IMMP2L: variants seen among roughly 807,000 people sequenced by gnomAD.
IMMP2L encodes the protein mitochondrial inner membrane protease subunit 2.
IMMP2L carries 18 observed loss-of-function variants against 19.3 expected under a neutral mutation model. That is an observed-to-expected ratio of 0.93 (90% CI 0.64 to 1.38). The LOEUF (loss-of-function observed/expected upper bound fraction) is 1.38, where lower values mean the gene tolerates loss of function less well. Among genes scored for constraint, IMMP2L ranks in the 40% most tolerant of loss-of-function variants. IMMP2L has a pLI of 0.00. For synonymous variants in IMMP2L, 76 were observed against 73.0 expected, an observed-to-expected ratio of 1.04 and a Z score of -0.21; for missense variants, 233 against 218.2, an observed-to-expected ratio of 1.07 and a Z score of -0.43.
intron 5 of IMMP2L, among the ~76,000 whole-genome samples, chr7:110,849,737 TTGACAATA>T: frequency 6.6e-6 from 1 of 152,082 alleles, no homozygotes; most frequent in Non-Finnish European, 1.5e-5. Flanking sequence ...GTAAAGCAAT[TTGACAATA>T]TGACAATAGC....
At chr7:111,503,790 T>C (rs1448395071) in intron 2 of IMMP2L, among the ~76,000 whole-genome samples, 4 of 152,142 alleles carry the variant, frequency 2.6e-5, no homozygotes, top group Admixed American at 6.5e-5. Flanking sequence ...CTAAAAACTC[T>C]CAATAAATTA....
chr7:111,069,394 T>C (rs1794768060), intron 3 of IMMP2L, among the ~76,000 whole-genome samples: 1 of 152,192 alleles, frequency 6.6e-6, no homozygotes, highest in Admixed American at 6.5e-5. Flanking sequence ...TGAACTAATC[T>C]ATAACAATAG....
At chr7:110,861,077 G>C (rs954365213) in intron 5 of IMMP2L, among the ~76,000 whole-genome samples, 1 of 101,092 alleles carries the variant, frequency 9.9e-6, no homozygotes, top group African/African-American at 4.0e-5. Flanking sequence ...GTTTGTGTGT[G>C]TGTGTGTGTG....
At chr7:111,222,395 C>T (rs1812615568) in intron 3 of IMMP2L, among the ~76,000 whole-genome samples, 1 of 151,682 alleles carries the variant, frequency 6.6e-6, no homozygotes, top group South Asian at 2.1e-4. Context: ...AGATAAGCCA[C>T]AGACGAGATA....
At chr7:110,793,005 T>C (rs572269419) in intron 5 of IMMP2L, among the ~76,000 whole-genome samples, 2 of 152,150 alleles carry the variant, frequency 1.3e-5, no homozygotes, top group African/African-American at 4.8e-5. Context: ...ATGATCTCAC[T>C]TACACATGGA....
chr7:110,827,818 C>CGTAT (rs1317322633), intron 5 of IMMP2L, among the ~76,000 whole-genome samples: 1 of 152,046 alleles, frequency 6.6e-6, no homozygotes, highest in East Asian at 1.9e-4. Flanking sequence ...TGAATAAAGA[C>CGTAT]ATACTAATAT....
chr7:110,782,781 G>A (rs1799822748), intron 5 of IMMP2L, among the ~76,000 whole-genome samples: 1 of 151,892 alleles, frequency 6.6e-6, no homozygotes, highest in African/African-American at 2.4e-5. Context: ...CTTCAGCTAT[G>A]TACAAAACTA....
In IMMP2L at chr7:111,409,914, CAA is replaced by C. The variant is rs770944288; in HGVS notation, c.239+77322_239+77323del. Among the ~76,000 whole-genome samples, 153 of 151,820 alleles carry C rather than the reference CAA, an allele frequency of 1.0e-3. 1 individual carries two copies. The highest frequency in any genetic ancestry group is 1.0e-3 in the South Asian group (5 of 4,820). On this transcript the variant is annotated intron_variant, in intron 3 of 5. Coordinates refer to ENST00000405709, the MANE Select transcript of IMMP2L (RefSeq NM_032549.4). ...GACTGCCCCTATTCCAACCTAGATGCAAAGTCCAAACTGTGGTATAAGAATGG... is the reference window on the plus strand; with the variant it reads ...GACTGCCCCTATTCCAACCTAGATGCAGTCCAAACTGTGGTATAAGAATGG...
chr7:110,982,544 T>A (rs894960280), intron 3 of IMMP2L, among the ~76,000 whole-genome samples: 1 of 152,024 alleles, frequency 6.6e-6, no homozygotes. Flanking sequence ...TCCCTGGAGG[T>A]GGTCATACTA....
chr7:110,887,263 A>G (rs115249376), intron 4 of IMMP2L, among the ~76,000 whole-genome samples: 2,209 of 152,238 alleles, frequency 0.015, 63 homozygotes, highest in African/African-American at 0.051. Flanking sequence ...AACCAGCACT[A>G]AAGTATTCCT....
At chr7:111,268,521 G>A (rs1247587761) in intron 3 of IMMP2L, among the ~76,000 whole-genome samples, 5 of 126,384 alleles carry the variant, frequency 4.0e-5, no homozygotes, top group East Asian at 2.4e-4. Context: ...AGCCAGAAGC[G>A]AAAACTACAT....
At chr7:110,954,561 A>C (rs553442807) in intron 4 of IMMP2L, among the ~76,000 whole-genome samples, 1 of 152,170 alleles carries the variant, frequency 6.6e-6, no homozygotes, top group South Asian at 2.1e-4. Flanking sequence ...TATATCCATT[A>C]TTTCATATAA....
At chr7:111,297,397 T>C (rs1026927100) in intron 3 of IMMP2L, among the ~76,000 whole-genome samples, 1 of 152,058 alleles carries the variant, frequency 6.6e-6, no homozygotes, top group Admixed American at 6.6e-5. Flanking sequence ...AGCTTAAAAA[T>C]AAAAGACTGA....
chr7:111,386,453 C>T (rs960340984), intron 3 of IMMP2L, among the ~76,000 whole-genome samples: 3 of 152,030 alleles, frequency 2.0e-5, no homozygotes, highest in Non-Finnish European at 4.4e-5. Context: ...AATTTATATA[C>T]ATTGGCCCTA....
intron 3 of IMMP2L, among the ~76,000 whole-genome samples, chr7:111,013,104 T>C (rs1825139751): frequency 6.6e-6 from 1 of 151,960 alleles, no homozygotes; most frequent in Non-Finnish European, 1.5e-5. Flanking sequence ...GAGAGGGCCT[T>C]AGAAGACCCC....
chr7:111,251,415 G>T (rs1484963473), intron 3 of IMMP2L, among the ~76,000 whole-genome samples: 1 of 152,042 alleles, frequency 6.6e-6, no homozygotes, highest in African/African-American at 2.4e-5. Context: ...TATACCCAAA[G>T]GATTATAAAT....
chr7:111,347,135 C>T (rs1827649670), intron 3 of IMMP2L, among the ~76,000 whole-genome samples: 1 of 152,008 alleles, frequency 6.6e-6, no homozygotes, highest in South Asian at 2.1e-4. Flanking sequence ...AGAACAGAGG[C>T]AGAAAGGCTG....
rs1327426651 is a variant in IMMP2L at position 110,663,492 on chromosome 7, C to T, written c.*110G>A. ...TCGTTTTAATGTGCTGTAAATATTT[C>T]TCGCACAGCATCATATTGTCAGAAG... On this transcript the variant is annotated 3_prime_UTR_variant, in exon 6 of 6. Coordinates refer to ENST00000405709, the MANE Select transcript of IMMP2L (RefSeq NM_032549.4). 5.7e-6 allele frequency: 5 copies of T among 869,754 alleles called. No homozygotes were observed. Among genetic ancestry groups the T allele is most frequent in the Non-Finnish European group, 9.3e-6 (5 of 537,424 alleles). The allele number at this position is 869,754 out of a possible 1,614,324, so 53.9% of individuals were successfully genotyped here. A position where few individuals can be genotyped will look rare whatever the true frequency, so the allele number is the denominator to read the frequency against.
chr7:111,214,328 C>CTTTTTTTTTTTTTTTTTTTTTTT lies in IMMP2L; in HGVS notation c.240-250764_240-250763insAAAAAAAAAAAAAAAAAAAAAAA, dbSNP rs1484229556. ...GTGAATGAATGACAAAGTAATTTTT[C>CTTTTTTTTTTTTTTTTTTTTTTT]TTCTTTTTTTTTTTTTTTTTTTTTT... On this transcript the variant is annotated intron_variant, in intron 3 of 5. Transcript: ENST00000405709. Among the ~76,000 whole-genome samples the CTTTTTTTTTTTTTTTTTTTTTTT allele has an allele frequency of 9.4e-5, 8 of 85,110 alleles. 3 individuals are homozygous for CTTTTTTTTTTTTTTTTTTTTTTT. Among genetic ancestry groups the CTTTTTTTTTTTTTTTTTTTTTTT allele is most frequent in the Non-Finnish European group, 9.0e-5 (4 of 44,320 alleles). 55.8% of individuals were successfully genotyped at this position (85,110 alleles called of 152,430 possible).
Sources: gnomAD v4.1 joint callset for allele counts (sites outside exome capture counted in the v4.1 genomes callset) on GRCh38, gnomAD v4.1.1 for gene constraint, MANE v1.5 for transcripts, NCBI Gene and HGNC (gene_info 2026-07-23, HGNC 2026-07-21) for gene names.